Variants in YTHDC2 observed in about 807,000 individuals in gnomAD.
YTHDC2 encodes the protein YTH N6-methyladenosine RNA binding protein C2.
A neutral mutation model predicts 174.9 loss-of-function variants in YTHDC2; 45 were observed. The observed-to-expected ratio is 0.26, with a 90% CI of 0.20 to 0.33. The LOEUF (loss-of-function observed/expected upper bound fraction) is 0.33. Among genes scored for constraint, YTHDC2 ranks in the 10% least tolerant of loss-of-function variants. The pLI is 1.00. For missense variants in YTHDC2, 1,650 were observed against 1,723.7 expected, an observed-to-expected ratio of 0.96 and a Z score of 0.76; for synonymous variants, 657 against 574.5, an observed-to-expected ratio of 1.14 and a Z score of -2.05.
rs1462822046 is a variant in YTHDC2 at position 113,553,256 on chromosome 5, C to T, written c.1764C>T (p.Asp588=). 2 of 1,600,622 alleles carry T rather than the reference C, an allele frequency of 1.2e-6. No individual in the cohort carries two copies. Residue 588 remains aspartate (D), a synonymous_variant, in exon 13 of 30, where the codon GAC becomes GAT. Transcript: ENST00000161863. ...QTNGSDLSAE[D]RELLKAYHHS... ...ATGGAAGTGACCTCAGTGCTGAAGA[C>T]AGAGAGCTCCTGAAAGCTTATCATC... is the stretch of plus-strand genomic sequence containing the variant.
At chr5:113,557,282 A>G (rs1417372560) in intron 17 of YTHDC2, among the ~76,000 whole-genome samples, 1 of 152,146 alleles carries the variant, frequency 6.6e-6, no homozygotes, top group Non-Finnish European at 1.5e-5. Context: ...CATTTTCAGT[A>G]AATATTTATC....
intron 26 of YTHDC2, 47 bp from the exon 27 acceptor site, chr5:113,590,994 T>G: frequency 2.0e-6 from 3 of 1,535,294 alleles, no homozygotes; most frequent in Non-Finnish European, 2.7e-6. Flanking sequence ...GCCTCTTGGT[T>G]TTGAAAGGTC....
chr5:113,551,391 G>C (rs1409806837), intron 12 of YTHDC2, among the ~76,000 whole-genome samples: 2 of 151,670 alleles, frequency 1.3e-5, no homozygotes, highest in Non-Finnish European at 2.9e-5. Flanking sequence ...ATAAATTTCA[G>C]GTATTTAAAA....
Position 113,593,215 on chromosome 5 carries a change from T to C in YTHDC2, c.4213-88T>C, listed in dbSNP as rs1159409021. On this transcript the variant is annotated intron_variant, in intron 28 of 29. Transcript: ENST00000161863. ...AGGAAAATGAAATTTAAAGTGATTT[T>C]CTTACATTTTTATCAGTGTAGGTTT... is the stretch of plus-strand genomic sequence containing the variant. 4.6e-6 allele frequency: 4 copies of C among 869,564 alleles called. No homozygotes were observed. The East Asian group carries it at 7.5e-5, about 16-fold the overall frequency. The allele number at this position is 869,564 out of a possible 1,614,324, so 53.9% of individuals were successfully genotyped here.
intron 4 of YTHDC2, among the ~76,000 whole-genome samples, chr5:113,531,545 CG>C (rs886627269): frequency 6.6e-6 from 1 of 151,978 alleles, no homozygotes; most frequent in East Asian, 1.9e-4. Context: ...TCTGTGTCTA[CG>C]AGCTCAGCTT....
intron 23 of YTHDC2, among the ~76,000 whole-genome samples, chr5:113,575,671 A>G (rs1167650849): frequency 6.6e-6 from 1 of 152,228 alleles, no homozygotes; most frequent in Non-Finnish European, 1.5e-5. Context: ...AAGGAAAGCA[A>G]GGACTTGTAG....
chr5:113,586,867 CTCTCTCTA>C (rs1778707931), intron 26 of YTHDC2, among the ~76,000 whole-genome samples: 1 of 138,870 alleles, frequency 7.2e-6, no homozygotes, highest in African/African-American at 2.7e-5. Context: ...CTCTCTCTCT[CTCTCTCTA>C]TATATATATA....
chr5:113,567,902 C>T (rs1252198462), intron 23 of YTHDC2, 53 bp downstream of exon 23: 4 of 1,236,944 alleles, frequency 3.2e-6, no homozygotes, highest in Non-Finnish European at 3.3e-6. Context: ...TTTTTTTTTA[C>T]CAAATAATGA....
At chr5:113,547,884 A>G (rs901789808) in intron 10 of YTHDC2, among the ~76,000 whole-genome samples, 5 of 152,168 alleles carry the variant, frequency 3.3e-5, no homozygotes, top group Admixed American at 6.5e-5. Context: ...GAAATTACCA[A>G]TTTTGTAATT....
At chr5:113,544,216 T>C (rs1775690508) in intron 10 of YTHDC2, among the ~76,000 whole-genome samples, 2 of 152,164 alleles carry the variant, frequency 1.3e-5, no homozygotes, top group Admixed American at 6.5e-5. Flanking sequence ...TGGTGTGATC[T>C]TGACTCACTG....
Position 113,542,569 on chromosome 5 carries a change from C to T in YTHDC2, c.1495+66C>T, listed in dbSNP as rs1775561962. 2.1e-6 allele frequency: 3 copies of T among 1,454,288 alleles called. No homozygotes were observed. The South Asian group carries it at 4.1e-5, about 20-fold the overall frequency. 90.1% of individuals were successfully genotyped at this position (1,454,288 alleles called of 1,614,324 possible). On this transcript the variant is annotated intron_variant, in intron 10 of 29. Coordinates refer to ENST00000161863, the MANE Select transcript of YTHDC2 (RefSeq NM_022828.5). ...TTTATGGTGGAAGTATAGTTTAATT[C>T]AAAACGTATGTACTACCAATAATTG...
chr5:113,548,785 T>G (rs1410682687), intron 11 of YTHDC2, 118 bp downstream of exon 11: 7 of 1,219,612 alleles, frequency 5.7e-6, no homozygotes, highest in Middle Eastern at 2.9e-4. Context: ...CTGGTGAATT[T>G]CTGTTTTAAT....
At chr5:113,547,178 C>T (rs1775936862) in intron 10 of YTHDC2, among the ~76,000 whole-genome samples, 1 of 152,124 alleles carries the variant, frequency 6.6e-6, no homozygotes, top group African/African-American at 2.4e-5. Context: ...TACCCTTCTG[C>T]TCAAAATACA....
chr5:113,525,200 C>T, intron 3 of YTHDC2, 23 bp downstream of exon 3: 1 of 1,517,790 alleles, frequency 6.6e-7, no homozygotes, highest in African/African-American at 1.4e-5. Context: ...TGGGGAGCTT[C>T]CTCATTTACC....
intron 4 of YTHDC2, among the ~76,000 whole-genome samples, chr5:113,530,262 C>T (rs11949529): frequency 0.034 from 5,118 of 152,210 alleles, 321 homozygotes; most frequent in African/African-American, 0.12. Flanking sequence ...CCCCGACCTC[C>T]CCTACCCAAT....
At chr5:113,567,054 C>A in intron 21 of YTHDC2, 38 bp from the exon 22 acceptor site, 1 of 1,585,816 alleles carries the variant, frequency 6.3e-7, no homozygotes, top group Non-Finnish European at 8.6e-7. Flanking sequence ...GTATCTTTTG[C>A]ACAATAGAAA....
intron 4 of YTHDC2, 46 bp from the exon 5 acceptor site, chr5:113,532,833 A>T: frequency 4.5e-6 from 7 of 1,539,716 alleles, no homozygotes; most frequent in African/African-American, 1.4e-5. Flanking sequence ...GATTTTTTGT[A>T]TTATGTGATC....
At chr5:113,534,433 A>G (rs1340701202) in intron 6 of YTHDC2, 26 bp downstream of exon 6, 2 of 1,588,884 alleles carry the variant, frequency 1.3e-6, no homozygotes, top group Non-Finnish European at 1.7e-6. Flanking sequence ...AATTTGTCAT[A>G]TGTAACTCAG....
intron 10 of YTHDC2, among the ~76,000 whole-genome samples, chr5:113,546,744 T>G (rs1176868380): frequency 2.0e-5 from 3 of 152,216 alleles, no homozygotes; most frequent in Admixed American, 6.5e-5. Flanking sequence ...AAGTCTCTCA[T>G]GAGGTTGCGG....
Sources: allele counts gnomAD v4.1 joint callset (sites outside exome capture counted in the v4.1 genomes callset), GRCh38; gene constraint gnomAD v4.1.1; transcripts MANE v1.5; gene names NCBI Gene and HGNC (gene_info 2026-07-23, HGNC 2026-07-21).